The following DPY19L1 variants were observed in gnomAD, a reference collection of about 807,000 sequenced individuals.
DPY19L1 encodes dpy-19 like C-mannosyltransferase 1.
DPY19L1 carries 35 observed loss-of-function variants against 96.9 expected under a neutral mutation model. That is an observed-to-expected ratio of 0.36 (90% CI 0.28 to 0.48). The LOEUF (loss-of-function observed/expected upper bound fraction) is 0.48, where lower values mean the gene tolerates loss of function less well. Ranked by LOEUF, DPY19L1 falls within the 20% of genes least tolerant of loss-of-function variation. The probability of loss-of-function intolerance (pLI) is 0.99; values close to 1 mark genes in which losing one functional copy is unlikely to be tolerated. For synonymous variants in DPY19L1, 205 were observed against 252.6 expected, an observed-to-expected ratio of 0.81 and a Z score of 1.79; for missense variants, 521 against 777.9, an observed-to-expected ratio of 0.67 and a Z score of 3.93.
chr7:34,965,713 T>C (rs1215077394), intron 10 of DPY19L1, among the ~76,000 whole-genome samples: 1 of 152,156 alleles, frequency 6.6e-6, no homozygotes, highest in African/African-American at 2.4e-5. Flanking sequence ...TTATGACAAC[T>C]GTAAAATTAA....
chr7:35,015,981 A>G (rs748740514), intron 3 of DPY19L1, among the ~76,000 whole-genome samples: 3 of 152,240 alleles, frequency 2.0e-5, no homozygotes, highest in Non-Finnish European at 4.4e-5. Context: ...TTCTCAAACT[A>G]AAAGATTAAT....
intron 6 of DPY19L1, among the ~76,000 whole-genome samples, chr7:35,004,841 AGGCAGCAGTGACTG>A (rs1238867268): frequency 6.6e-6 from 1 of 152,198 alleles, no homozygotes; most frequent in Non-Finnish European, 1.5e-5. Flanking sequence ...AAGTCCAAGT[AGGCAGCAGTGACTG>A]GGCAGCTGTC....
At chr7:34,952,485 C>T (rs1784288406) in intron 13 of DPY19L1, among the ~76,000 whole-genome samples, 2 of 152,116 alleles carry the variant, frequency 1.3e-5, no homozygotes, top group Non-Finnish European at 2.9e-5. Flanking sequence ...AATACCAATT[C>T]TACATAAAAA....
chr7:34,947,517 G>A, intron 15 of DPY19L1, 113 bp downstream of exon 15: 1 of 767,144 alleles, frequency 1.3e-6, no homozygotes, highest in East Asian at 2.9e-5. Flanking sequence ...ATATGTTACA[G>A]TAAGCCCATA....
chr7:34,940,056 T>C, intron 19 of DPY19L1, 97 bp downstream of exon 19: 3 of 1,083,050 alleles, frequency 2.8e-6, no homozygotes, highest in South Asian at 2.1e-5. Context: ...GTGAGATCAG[T>C]GGAAGTAACT....
At chr7:34,979,516 CTT>C (rs1252155620) in intron 7 of DPY19L1, among the ~76,000 whole-genome samples, 2 of 152,044 alleles carry the variant, frequency 1.3e-5, no homozygotes, top group African/African-American at 4.8e-5. Flanking sequence ...AGAATATACT[CTT>C]AGGAGAAAAA....
In DPY19L1 at chr7:34,973,469, T is replaced by C. The variant is rs555978324; in HGVS notation, c.914+45A>G. On this transcript the variant is annotated intron_variant, in intron 8 of 21. Transcript: ENST00000638088. ...TTATGGAAGCTTAAGAAATTTTAGTTAAAATTATTTAATGCAAAAAGAAAT... is the reference window on the plus strand; with the variant it reads ...TTATGGAAGCTTAAGAAATTTTAGTCAAAATTATTTAATGCAAAAAGAAAT... 49 of 1,268,058 alleles carry C rather than the reference T, an allele frequency of 3.9e-5. No individual in the cohort carries two copies. The South Asian group carries it at 9.7e-4, about 25-fold the overall frequency. The allele number at this position is 1,268,058 out of a possible 1,614,324, so 78.6% of individuals were successfully genotyped here.
At chr7:34,937,691 T>C (rs1420473823) in intron 21 of DPY19L1, among the ~76,000 whole-genome samples, 4 of 152,164 alleles carry the variant, frequency 2.6e-5, no homozygotes, top group East Asian at 1.9e-4. Context: ...CCCAGCACTT[T>C]GGGAGGCCAA....
At chr7:35,023,921 C>T (rs1340141549) in intron 1 of DPY19L1, among the ~76,000 whole-genome samples, 1 of 144,058 alleles carries the variant, frequency 6.9e-6, no homozygotes, top group African/African-American at 2.6e-5. Context: ...CTGCAAACTC[C>T]GCCTCCCGGG....
chr7:35,033,319 G>A (rs1214207630), intron 1 of DPY19L1, among the ~76,000 whole-genome samples: 1 of 151,854 alleles, frequency 6.6e-6, no homozygotes. Flanking sequence ...TTTCTTTCCT[G>A]CAGTGCACTC....
At chr7:34,989,685 T>C (rs991000275) in intron 7 of DPY19L1, among the ~76,000 whole-genome samples, 199 bp downstream of exon 7, 11 of 151,626 alleles carry the variant, frequency 7.3e-5, no homozygotes, top group African/African-American at 2.4e-4. Context: ...TACAGACCCA[T>C]TATTTCATCA....
At chr7:34,948,294 T>C (rs1584208920) in intron 14 of DPY19L1, among the ~76,000 whole-genome samples, 2 of 152,322 alleles carry the variant, frequency 1.3e-5, no homozygotes, top group East Asian at 3.9e-4. Flanking sequence ...TTTACTTTTA[T>C]GTGTGTTAAT....
chr7:34,932,534 G>A lies in DPY19L1; in HGVS notation c.2091-805C>T, dbSNP rs193139241. Reference sequence around the variant, plus strand: ...CATATGGCTTTAACACTGTCATAAAGTAAAAAAATCAGTAGGTCAAAACAT... The same window carrying A: ...CATATGGCTTTAACACTGTCATAAAATAAAAAAATCAGTAGGTCAAAACAT... On this transcript the variant is annotated intron_variant, in intron 21 of 21. Coordinates refer to ENST00000638088, the MANE Select transcript of DPY19L1 (RefSeq NM_001366673.1). 3.3e-5 allele frequency among the ~76,000 whole-genome samples: 5 copies of A among 152,228 alleles called. No homozygotes were observed. In the East Asian group the frequency reaches 9.6e-4, roughly 29 times the overall value.
intron 4 of DPY19L1, among the ~76,000 whole-genome samples, chr7:35,012,190 C>T (rs1241543355): frequency 1.3e-5 from 2 of 152,200 alleles, no homozygotes; most frequent in African/African-American, 4.8e-5. Flanking sequence ...TAGGGAAAGA[C>T]ATCAAGGCCA....
intron 7 of DPY19L1, among the ~76,000 whole-genome samples, chr7:34,982,326 G>A (rs1467216652): frequency 6.6e-6 from 1 of 152,162 alleles, no homozygotes; most frequent in East Asian, 1.9e-4. Context: ...ATATACTGAA[G>A]TATTTAGGGG....
At chr7:35,007,221 T>A (rs1360775564) in intron 6 of DPY19L1, among the ~76,000 whole-genome samples, 1 of 152,172 alleles carries the variant, frequency 6.6e-6, no homozygotes, top group African/African-American at 2.4e-5. Flanking sequence ...AGGATCAATT[T>A]TGGAAAGAAC....
At chr7:34,994,390 G>A (rs1346477399) in intron 6 of DPY19L1, among the ~76,000 whole-genome samples, 2 of 152,102 alleles carry the variant, frequency 1.3e-5, no homozygotes, top group Non-Finnish European at 2.9e-5. Flanking sequence ...GACACTTGGG[G>A]AATTTAATGT....
At chr7:35,020,432 T>C (rs1461172513) in intron 1 of DPY19L1, among the ~76,000 whole-genome samples, 5 of 152,190 alleles carry the variant, frequency 3.3e-5, no homozygotes, top group African/African-American at 9.6e-5. Context: ...TATATATACA[T>C]AACATATATC....
Position 35,018,588 on chromosome 7 carries a change from CA to C in DPY19L1, c.306del (p.Phe102LeufsTer10). ...CAATCTTACCAGTGCAACACTGCTG[CA>C]AAAACAGCTGTAAGAAAAAAGAAAT... ...RTWTTLLLAV[F>X]AAVLHWSHIT... is the part of the protein sequence containing the mutation. On this transcript the variant is annotated frameshift_variant, in exon 2 of 22. Transcript: ENST00000638088. LOFTEE classifies it high-confidence loss of function. 2 of 1,609,532 alleles carry C rather than the reference CA, an allele frequency of 1.2e-6. No individual in the cohort carries two copies. The highest frequency in any genetic ancestry group is 3.4e-5 in the Admixed American group (2 of 59,458).
Sources: allele counts gnomAD v4.1 joint callset (sites outside exome capture counted in the v4.1 genomes callset), GRCh38; gene constraint gnomAD v4.1.1; transcripts MANE v1.5; gene names NCBI Gene and HGNC (gene_info 2026-07-23, HGNC 2026-07-21).